PLEK2: variants seen among roughly 807,000 people sequenced by gnomAD.
PLEK2 encodes pleckstrin 2.
In PLEK2, 29 loss-of-function variants were observed where a neutral mutation model predicts 43.8. The observed-to-expected ratio is 0.66, with a 90% CI of 0.49 to 0.90. The LOEUF is 0.90. Ranked by LOEUF, PLEK2 falls within the 40% of genes least tolerant of loss-of-function variation. The pLI, the probability that PLEK2 is intolerant of heterozygous loss-of-function variation, is 0.00. For synonymous variants in PLEK2, 162 were observed against 173.2 expected, an observed-to-expected ratio of 0.94 and a Z score of 0.51; for missense variants, 398 against 448.1, an observed-to-expected ratio of 0.89 and a Z score of 1.01.
intron 7 of PLEK2, among the ~76,000 whole-genome samples, chr14:67,389,766 G>GT (rs965138099): frequency 5.5e-5 from 8 of 144,560 alleles, no homozygotes; most frequent in Admixed American, 2.0e-4. Flanking sequence ...AAACTAAAGT[G>GT]TTTTTTTTCT....
intron 1 of PLEK2, among the ~76,000 whole-genome samples, chr14:67,406,216 G>A (rs915534408): frequency 1.3e-5 from 2 of 148,252 alleles, no homozygotes; most frequent in Non-Finnish European, 3.0e-5. Context: ...CCAAGATGGC[G>A]CCACTGCACT....
In PLEK2 at chr14:67,388,239, T is replaced by G; in HGVS notation, c.919A>C (p.Asn307His). ...RGSLVSALED[N>H]GVPTGVKGNV... The stretch of plus-strand genomic sequence containing the variant: ...TGTACCTTACCAGTGGGAACGCCAT[T>G]ATCTTCCAGAGCAGACACGAGTGAA... Residue 307 changes from asparagine to histidine, a missense_variant, in exon 8 of 9, where the codon AAT becomes CAT. Coordinates refer to ENST00000216446, the MANE Select transcript of PLEK2 (RefSeq NM_016445.3). 2 of 1,612,608 alleles carry G rather than the reference T, an allele frequency of 1.2e-6. No homozygotes were observed. Among genetic ancestry groups the G allele is most frequent in the Non-Finnish European group, 1.7e-6 (2 of 1,178,716 alleles).
chr14:67,409,494 A>T (rs2086102501), intron 1 of PLEK2, among the ~76,000 whole-genome samples: 2 of 152,244 alleles, frequency 1.3e-5, no homozygotes, highest in South Asian at 4.1e-4. Flanking sequence ...TTCACATTGC[A>T]ATGTTATTCA....
intron 1 of PLEK2, among the ~76,000 whole-genome samples, chr14:67,402,607 C>G (rs758175240): frequency 4.6e-5 from 7 of 152,156 alleles, no homozygotes; most frequent in Non-Finnish European, 1.0e-4. Flanking sequence ...CTCTGGTAAC[C>G]ATCCTTCTAC....
chr14:67,398,219 G>GTT (rs11366762), intron 1 of PLEK2, among the ~76,000 whole-genome samples: 19 of 151,752 alleles, frequency 1.3e-4, no homozygotes, highest in African/African-American at 4.4e-4. Flanking sequence ...TTATTTTCTA[G>GTT]TTTTTTTTGT....
chr14:67,405,049 C>T (rs558654014), intron 1 of PLEK2, among the ~76,000 whole-genome samples: 5 of 151,452 alleles, frequency 3.3e-5, no homozygotes, highest in Non-Finnish European at 7.4e-5. Context: ...CCGTGGCCAA[C>T]ATGGCGAAAC....
At chr14:67,389,425 C>A (rs1488107559) in intron 7 of PLEK2, among the ~76,000 whole-genome samples, 1 of 152,102 alleles carries the variant, frequency 6.6e-6, no homozygotes, top group African/African-American at 2.4e-5. Flanking sequence ...AAGTGCGGAA[C>A]AAATTAATTG....
chr14:67,401,145 G>A (rs1595659220), intron 1 of PLEK2, among the ~76,000 whole-genome samples: 1 of 152,042 alleles, frequency 6.6e-6, no homozygotes, highest in East Asian at 1.9e-4. Flanking sequence ...ATTAAAATGG[G>A]GTCATTAGGA....
At chr14:67,400,510 C>A (rs1317771538) in intron 1 of PLEK2, among the ~76,000 whole-genome samples, 3 of 152,174 alleles carry the variant, frequency 2.0e-5, no homozygotes, top group Non-Finnish European at 4.4e-5. Flanking sequence ...TTTCCTATGA[C>A]CACCCCCCGC....
chr14:67,407,626 A>G (rs2086087976), intron 1 of PLEK2, among the ~76,000 whole-genome samples: 1 of 151,848 alleles, frequency 6.6e-6, no homozygotes, highest in African/African-American at 2.4e-5. Flanking sequence ...TTTTTTGTAG[A>G]GATGAGTTCT....
chr14:67,401,191 G>A (rs1428518413), intron 1 of PLEK2, among the ~76,000 whole-genome samples: 1 of 151,754 alleles, frequency 6.6e-6, no homozygotes, highest in Non-Finnish European at 1.5e-5. Flanking sequence ...GTCTTTATAA[G>A]AAAAGGTGAT....
intron 7 of PLEK2, 70 bp downstream of exon 7, chr14:67,390,593 C>A (rs1388018191): frequency 2.7e-6 from 3 of 1,097,222 alleles, no homozygotes; most frequent in Non-Finnish European, 4.2e-6. Flanking sequence ...CAGCTGCCCG[C>A]CATGCCAGGA....
chr14:67,393,300 A>C, intron 3 of PLEK2, 59 bp from the exon 4 acceptor site: 1 of 1,145,064 alleles, frequency 8.7e-7, no homozygotes, highest in Non-Finnish European at 1.3e-6. Context: ...GGTATAAGGG[A>C]GGGTCCTGAG....
chr14:67,409,136 G>A (rs576293648), intron 1 of PLEK2, among the ~76,000 whole-genome samples: 2 of 152,172 alleles, frequency 1.3e-5, no homozygotes, highest in African/African-American at 2.4e-5. Flanking sequence ...CCAGCTACTA[G>A]GGAGGCTGAG....
intron 3 of PLEK2, among the ~76,000 whole-genome samples, chr14:67,393,958 C>T (rs1267069804): frequency 2.0e-5 from 3 of 152,134 alleles, no homozygotes; most frequent in African/African-American, 7.2e-5. Context: ...GTCTCTAGGC[C>T]AGCAGGGACA....
chr14:67,395,728 A>G, intron 2 of PLEK2, 145 bp from the exon 3 acceptor site: 1 of 630,494 alleles, frequency 1.6e-6, no homozygotes, highest in Non-Finnish European at 2.8e-6. Context: ...GGTAGTCTTT[A>G]AAGATTCACT....
rs368149973 is a variant in PLEK2 at position 67,392,792 on chromosome 14, G to A, written c.539C>T (p.Ala180Val). ...SNSFTASRLE[A>V]VTLASMLMEE... ...CATGAGCATGGAGGCCAGGGTCACC[G>A]CCTCCAGACGGCTGGCCGTGAAGCT... The change falls in exon 5 of 9, where the codon GCG becomes GTG. Residue 180 changes from alanine (A) to valine (V), a missense_variant. By Grantham distance (64) the Ala-to-Val change is moderately conservative. Transcript: ENST00000216446. 13 of 1,613,734 alleles carry A rather than the reference G, an allele frequency of 8.1e-6. No individual in the cohort carries two copies. Among genetic ancestry groups the A allele is most frequent in the Middle Eastern group, 1.6e-4 (1 of 6,082 alleles).
At chr14:67,395,099 G>A (rs547273858) in intron 3 of PLEK2, among the ~76,000 whole-genome samples, 1 of 152,256 alleles carries the variant, frequency 6.6e-6, no homozygotes, top group East Asian at 1.9e-4. Flanking sequence ...CGAGATTTTG[G>A]GGGAGCTGTG....
At chr14:67,393,029 G>A (rs1277564098) in intron 4 of PLEK2, 121 bp downstream of exon 4, 1 of 922,538 alleles carries the variant, frequency 1.1e-6, no homozygotes, top group Non-Finnish European at 1.8e-6. Flanking sequence ...GCCATCTCAG[G>A]CTAGCCTGTT....
Sources: gnomAD v4.1 joint callset for allele counts (sites outside exome capture counted in the v4.1 genomes callset) on GRCh38, gnomAD v4.1.1 for gene constraint, MANE v1.5 for transcripts, NCBI Gene and HGNC (gene_info 2026-07-23, HGNC 2026-07-21) for gene names.